Variants in PRKG2 observed in about 807,000 individuals in gnomAD.
PRKG2 encodes the protein cGMP-dependent protein kinase 2.
Under a neutral mutation model 97.2 loss-of-function variants are expected in PRKG2, and 33 were observed. The ratio of observed to expected loss-of-function variants is 0.34; its 90% confidence interval spans 0.26 to 0.45. PRKG2 has a LOEUF of 0.45. PRKG2 is among the 20% of genes least tolerant of loss of function. The pLI is 1.00. For missense variants in PRKG2, 638 were observed against 900.0 expected (o/e 0.71, Z 3.73); for synonymous variants, 330 against 321.8 (o/e 1.03, Z -0.27).
At chr4:81,143,525 T>G (rs1747506991) in intron 10 of PRKG2, among the ~76,000 whole-genome samples, 1 of 152,232 alleles carries the variant, frequency 6.6e-6, no homozygotes, top group African/African-American at 2.4e-5. Context: ...TTTTTTCTCT[T>G]TTAATTAAGG....
chr4:81,111,448 G>C (rs547765084), intron 14 of PRKG2, among the ~76,000 whole-genome samples: 2 of 151,838 alleles, frequency 1.3e-5, no homozygotes, highest in African/African-American at 2.4e-5. Context: ...TGTTATACAT[G>C]ATTAATATTA....
intron 2 of PRKG2, among the ~76,000 whole-genome samples, chr4:81,201,125 G>GTT (rs1486321662): frequency 1.3e-5 from 2 of 152,214 alleles, no homozygotes; most frequent in African/African-American, 4.8e-5. Flanking sequence ...GGCAATAGCA[G>GTT]TTACAGTCAA....
intron 14 of PRKG2, among the ~76,000 whole-genome samples, chr4:81,111,937 C>A (rs980524167): frequency 2.6e-5 from 4 of 152,142 alleles, no homozygotes; most frequent in African/African-American, 9.7e-5. Context: ...TTTCACATAG[C>A]CTTTCTCAAT....
intron 2 of PRKG2, among the ~76,000 whole-genome samples, chr4:81,196,224 G>A (rs1455783827): frequency 6.6e-6 from 1 of 152,130 alleles, no homozygotes; most frequent in African/African-American, 2.4e-5. Flanking sequence ...CACGTAAGCT[G>A]GGAAGAGGAC....
chr4:81,153,714 T>G lies in PRKG2; in HGVS notation c.920A>C (p.Tyr307Ser). 1 of 1,604,366 alleles carries G rather than the reference T, an allele frequency of 6.2e-7. No individual in the cohort carries two copies. The highest frequency in any genetic ancestry group is 8.5e-7 in the Non-Finnish European group (1 of 1,171,324). ...TCTAATGATGTAATCTCCTTTGTCATAGTATTCCTGTTGGGATGAGAGAGA... is the reference window on the plus strand; with the variant it reads ...TCTAATGATGTAATCTCCTTTGTCAGAGTATTCCTGTTGGGATGAGAGAGA... ...KIIDCLEVEYYDKGDYIIREG... is the reference protein window; with the variant it reads ...KIIDCLEVEYSDKGDYIIREG... Residue 307 changes from tyrosine (Y) to serine (S), a missense_variant, in exon 7 of 19, where the codon TAT (tyrosine) becomes TCT (serine). This residue lies in a region of PRKG2 where 332 missense variants were observed against 421.7 expected (regional missense o/e 0.79). Coordinates refer to ENST00000264399, the MANE Select transcript of PRKG2 (RefSeq NM_006259.3).
At chr4:81,207,718 CAA>C (rs1753755780) in intron 1 of PRKG2, among the ~76,000 whole-genome samples, 1 of 152,138 alleles carries the variant, frequency 6.6e-6, no homozygotes, top group Non-Finnish European at 1.5e-5. Flanking sequence ...TTTAGAATTT[CAA>C]AGAGGGGTAA....
At chr4:81,185,317 A>G (rs1751778144) in intron 2 of PRKG2, among the ~76,000 whole-genome samples, 1 of 152,206 alleles carries the variant, frequency 6.6e-6, no homozygotes, top group South Asian at 2.1e-4. Context: ...AGTGGGGGCC[A>G]ATATTCAACA....
intron 2 of PRKG2, among the ~76,000 whole-genome samples, chr4:81,196,575 T>A (rs1752972665): frequency 6.6e-6 from 1 of 152,138 alleles, no homozygotes; most frequent in Non-Finnish European, 1.5e-5. Context: ...TCCCAGAGCT[T>A]AATCTGTAAG....
chr4:81,203,029 C>T (rs1036327009), intron 2 of PRKG2, among the ~76,000 whole-genome samples: 7 of 151,532 alleles, frequency 4.6e-5, no homozygotes, highest in Non-Finnish European at 7.4e-5. Flanking sequence ...ATTATACTTA[C>T]GTGTACATAT....
chr4:81,162,648 C>A (rs1449176571), intron 6 of PRKG2, among the ~76,000 whole-genome samples: 1 of 152,122 alleles, frequency 6.6e-6, no homozygotes, highest in Non-Finnish European at 1.5e-5. Flanking sequence ...CTTACTCAAA[C>A]CCTTCATCCC....
chr4:81,143,176 GA>G (rs1560574679), intron 10 of PRKG2, among the ~76,000 whole-genome samples: 1 of 152,110 alleles, frequency 6.6e-6, no homozygotes, highest in African/African-American at 2.4e-5. Flanking sequence ...GGAAATAGAC[GA>G]ATGCCAAGTT....
At chr4:81,195,049 C>G (rs1003383956) in intron 2 of PRKG2, among the ~76,000 whole-genome samples, 1 of 152,124 alleles carries the variant, frequency 6.6e-6, no homozygotes, top group African/African-American at 2.4e-5. Flanking sequence ...ACAATGTAAA[C>G]TTAAGATTAA....
At chr4:81,216,839 T>C (rs1011913243), upstream of PRKG2, among the ~76,000 whole-genome samples, 1 of 151,586 alleles carries the variant, frequency 6.6e-6, no homozygotes, top group Non-Finnish European at 1.5e-5. Context: ...GTTCCATCCA[T>C]GTTGCTGCAA....
intron 2 of PRKG2, among the ~76,000 whole-genome samples, chr4:81,178,920 A>C (rs1272381813): frequency 6.6e-6 from 1 of 151,954 alleles, no homozygotes; most frequent in African/African-American, 2.4e-5. Context: ...AAGTCAAGAG[A>C]TAGAGACCAT....
intron 12 of PRKG2, among the ~76,000 whole-genome samples, chr4:81,140,207 A>G (rs1747138409): frequency 6.6e-6 from 1 of 152,204 alleles, no homozygotes; most frequent in Non-Finnish European, 1.5e-5. Flanking sequence ...TACAAAATAA[A>G]ATAGAAAGAA....
At chr4:81,177,521 C>G (rs1258854211) in intron 2 of PRKG2, among the ~76,000 whole-genome samples, 2 of 152,064 alleles carry the variant, frequency 1.3e-5, no homozygotes, top group African/African-American at 4.8e-5. Context: ...CTGGCTAACA[C>G]AGTGAAACCC....
At chr4:81,204,277 A>G (rs1470262446) in intron 2 of PRKG2, among the ~76,000 whole-genome samples, 1 of 151,910 alleles carries the variant, frequency 6.6e-6, no homozygotes, top group Non-Finnish European at 1.5e-5. Context: ...TACATTTTTA[A>G]GTTCACTCCT....
chr4:81,159,134 T>C (rs972399302), intron 6 of PRKG2, among the ~76,000 whole-genome samples: 5 of 152,150 alleles, frequency 3.3e-5, no homozygotes, highest in Non-Finnish European at 5.9e-5. Flanking sequence ...CTAAAGAGCT[T>C]CTGCATAGCA....
intron 10 of PRKG2, among the ~76,000 whole-genome samples, chr4:81,144,009 C>T (rs1415528740): frequency 6.6e-6 from 1 of 152,156 alleles, no homozygotes; most frequent in Non-Finnish European, 1.5e-5. Flanking sequence ...AACATTCCTA[C>T]TCATCATCCA....
Sources: gnomAD v4.1 joint callset for allele counts (sites outside exome capture counted in the v4.1 genomes callset) on GRCh38, gnomAD v4.1.1 for gene constraint, gnomAD v4.1.1 regional missense constraint, MANE v1.5 for transcripts, NCBI Gene and HGNC (gene_info 2026-07-23, HGNC 2026-07-21) for gene names.